The following LSM3 variants were observed in gnomAD, a reference collection of about 807,000 sequenced individuals.
LSM3 encodes LSM3 homolog, U6 small nuclear RNA and mRNA degradation associated, also known as U6 snRNA-associated Sm-like protein LSm3.
In LSM3, 14 loss-of-function variants were observed where a neutral mutation model predicts 15.4. The observed-to-expected ratio is 0.91, with a 90% CI of 0.60 to 1.42. The LOEUF is 1.42. Ranked by LOEUF, LSM3 falls within the 40% of genes most tolerant of loss-of-function variation. The probability of loss-of-function intolerance (pLI) is 0.00; values close to 1 mark genes in which losing one functional copy is unlikely to be tolerated. For synonymous variants in LSM3, 46 were observed against 45.1 expected, an observed-to-expected ratio of 1.02 and a Z score of -0.08; for missense variants, 88 against 127.9, an observed-to-expected ratio of 0.69 and a Z score of 1.50.
intron 3 of LSM3, among the ~76,000 whole-genome samples, chr3:14,184,477 G>A (rs1011714079): frequency 1.1e-4 from 16 of 152,244 alleles, no homozygotes; most frequent in Admixed American, 6.5e-4. Flanking sequence ...AACCTGGGCC[G>A]GGCGCGGTGG....
chr3:14,191,195 T>C (rs867825206), intron 3 of LSM3, among the ~76,000 whole-genome samples: 1 of 152,208 alleles, frequency 6.6e-6, no homozygotes, highest in Non-Finnish European at 1.5e-5. Flanking sequence ...CAGTATTTTA[T>C]TGAGGATTTT....
intron 2 of LSM3, 108 bp from the exon 3 acceptor site, chr3:14,183,829 A>G (rs2125057021): frequency 2.9e-6 from 2 of 679,614 alleles, no homozygotes; most frequent in East Asian, 5.8e-5. Flanking sequence ...TTTGTGATGT[A>G]AGTATCAAAT....
rs1240234188 is a variant in LSM3 at position 14,198,043 on chromosome 3, A to G, written c.236A>G (p.Lys79Arg). Reference protein sequence around the residue: ...ETYEEIYKSTKRNIPMLFVRG... With the variant: ...ETYEEIYKSTRRNIPMLFVRG... ...TTTTTTTTTCTCTTCTAGTCAACGA[A>G]ACGGAATATTCCAATGCTCTTTGTC... Residue 79 changes from lysine to arginine, a missense_variant, in exon 4 of 4, where the codon AAA becomes AGA. By Grantham distance (26) the Lys-to-Arg change is conservative (BLOSUM62 2). Transcript: ENST00000306024. 2 of 1,613,716 alleles carry G rather than the reference A, an allele frequency of 1.2e-6. No individual in the cohort carries two copies. The highest frequency in any genetic ancestry group is 1.7e-6 in the Non-Finnish European group (2 of 1,179,640).
At chr3:14,182,170 G>C (rs529085531) in intron 2 of LSM3, among the ~76,000 whole-genome samples, 8 of 152,050 alleles carry the variant, frequency 5.3e-5, no homozygotes, top group African/African-American at 1.7e-4. Flanking sequence ...TGCCAGCCTG[G>C]GCAACATAGA....
At chr3:14,188,265 T>G (rs1697108490) in intron 3 of LSM3, among the ~76,000 whole-genome samples, 2 of 152,220 alleles carry the variant, frequency 1.3e-5, no homozygotes, top group African/African-American at 2.4e-5. Flanking sequence ...CACCTGTGAC[T>G]AGTGGCACTC....
At chr3:14,193,812 G>T (rs892798449) in intron 3 of LSM3, among the ~76,000 whole-genome samples, 3 of 152,116 alleles carry the variant, frequency 2.0e-5, no homozygotes, top group Admixed American at 6.5e-5. Flanking sequence ...GTCTAGCTTT[G>T]TTCCCTTGCT....
rs375531143 is a variant in LSM3, at chr3:14,178,879, C to G, written c.19C>G (p.Gln7Glu). 1.4e-5 allele frequency: 22 copies of G among 1,614,088 alleles called. No individual in the cohort carries two copies. Residue 7 changes from glutamine to glutamate, a missense_variant and splice_region_variant, in exon 1 of 4, where the codon CAG becomes GAG. By Grantham distance (29) the Gln-to-Glu change is conservative (BLOSUM62 2). Coordinates refer to ENST00000306024, the MANE Select transcript of LSM3 (RefSeq NM_014463.3). MADDVDQQQTTNTVEEP... is the reference protein window; with the variant it reads MADDVDEQQTTNTVEEP... Reference sequence around the variant, plus strand: ...TTGAAACATGGCGGACGACGTAGACCAGGTAAGTGTATTTTAAGGAGGTCG... The same window carrying G: ...TTGAAACATGGCGGACGACGTAGACGAGGTAAGTGTATTTTAAGGAGGTCG...
At chr3:14,193,889 T>A (rs1437036481) in intron 3 of LSM3, among the ~76,000 whole-genome samples, 1 of 152,246 alleles carries the variant, frequency 6.6e-6, no homozygotes, top group Non-Finnish European at 1.5e-5. Flanking sequence ...AGCCTTTTTG[T>A]GCTGGTTTTT....
rs1252025809 is a variant in LSM3 at position 14,184,004 on chromosome 3, A to T, written c.200A>T (p.Asp67Val). 10 of 1,609,242 alleles carry T rather than the reference A, an allele frequency of 6.2e-6. No homozygotes were observed. The highest frequency in any genetic ancestry group is 7.6e-6 in the Non-Finnish European group (9 of 1,179,026). ...GAAACTGTGACTACTATAGAAATTGATGAAGAAACATATGAAGAGATATAT... is the reference window on the plus strand; with the variant it reads ...GAAACTGTGACTACTATAGAAATTGTTGAAGAAACATATGAAGAGATATAT... ...VEETVTTIEIDEETYEEIYKS... is the reference protein window; with the variant it reads ...VEETVTTIEIVEETYEEIYKS... The change falls in exon 3 of 4, where the codon GAT (aspartate) becomes GTT (valine). Residue 67 changes from aspartate (D) to valine (V), a missense_variant. Physicochemically the swap from Asp to Val is radical, Grantham distance 152 (BLOSUM62 -3). Transcript: ENST00000306024.
chr3:14,186,069 G>A (rs1250583347), intron 3 of LSM3, among the ~76,000 whole-genome samples: 3 of 152,090 alleles, frequency 2.0e-5, no homozygotes, highest in Admixed American at 6.5e-5. Context: ...GTGCCACCAC[G>A]CCCAGCTAAT....
Position 14,200,320 on chromosome 3 carries a change from A to C in LSM3, c.*2204A>C, listed in dbSNP as rs1697223571. On this transcript the variant is annotated 3_prime_UTR_variant, in exon 4 of 4. Coordinates refer to ENST00000306024, the MANE Select transcript of LSM3 (RefSeq NM_014463.3). ...GTGAGTCCTTTTGGAGCTGGGACTC[A>C]ATCCACAACAGAGACAGCTCAAGCA... The C allele has an allele frequency of 6.6e-6, 1 of 152,070 alleles. No individual in the cohort carries two copies. Among genetic ancestry groups the C allele is most frequent in the Admixed American group, 6.6e-5 (1 of 15,246 alleles). The allele number at this position is 152,070 out of a possible 1,614,324, so 9.4% of individuals were successfully genotyped here.
intron 1 of LSM3, among the ~76,000 whole-genome samples, chr3:14,179,497 C>T (rs1454595644): frequency 6.6e-6 from 1 of 152,180 alleles, no homozygotes; most frequent in African/African-American, 2.4e-5. Flanking sequence ...CATGCCACAA[C>T]TTAAACTTTC....
At chr3:14,186,141 C>G (rs1285198847) in intron 3 of LSM3, among the ~76,000 whole-genome samples, 1 of 152,198 alleles carries the variant, frequency 6.6e-6, no homozygotes, top group Non-Finnish European at 1.5e-5. Context: ...GAACTCCTGG[C>G]CTCCCAAAGT....
At position 14,196,683 on chromosome 3, in the gene LSM3, T is replaced by C. The variant is rs150669117; in HGVS notation, c.229-1353T>C. Among the ~76,000 whole-genome samples, 863 of 152,320 alleles carry C rather than the reference T, an allele frequency of 5.7e-3. 7 individuals are homozygous for C. The highest frequency in any genetic ancestry group is 0.02 in the African/African-American group (826 of 41,572). On this transcript the variant is annotated intron_variant, in intron 3 of 3. Transcript: ENST00000306024. ...TGTCCCATCCAATGTTTGGAACTTA[T>C]ACTAAATTTAATTGTGCGTCCTACA...
In LSM3 at chr3:14,180,844, TTTTTTTTTTTTTTAA is replaced by T. The variant is rs1559390212; in HGVS notation, c.22-715_22-701del. 5.9e-5 allele frequency among the ~76,000 whole-genome samples: 7 copies of T among 118,154 alleles called. No homozygotes were observed. The South Asian group carries it at 1.0e-3, about 18-fold the overall frequency. The allele number at this position is 118,154 out of a possible 152,430, so 77.5% of individuals were successfully genotyped here. A position where few individuals can be genotyped will look rare whatever the true frequency, so the allele number is the denominator to read the frequency against. On this transcript the variant is annotated intron_variant, in intron 1 of 3. Transcript: ENST00000306024. ...GCCTTTTTTTTTTTTTTTTTTTTTT[TTTTTTTTTTTTTTAA>T]AAAAAAAAAAGACAAGAGTCTCACT...
Position 14,195,108 on chromosome 3 carries a change from G to A in LSM3, c.229-2928G>A, listed in dbSNP as rs371240709. On this transcript the variant is annotated intron_variant, in intron 3 of 3. Coordinates refer to ENST00000306024, the MANE Select transcript of LSM3 (RefSeq NM_014463.3). The stretch of plus-strand genomic sequence containing the variant: ...ATTATTCTACGTAGGTTTCCTCCAT[G>A]CAGTCATTCAGGAACCCAGACTCCT... Among the ~76,000 whole-genome samples the A allele has an allele frequency of 1.7e-4, 26 of 152,216 alleles. No homozygotes were observed. The East Asian group carries it at 4.8e-3, about 28-fold the overall frequency.
At position 14,190,354 on chromosome 3, in the gene LSM3, G is replaced by A. The variant is rs1181046802; in HGVS notation, c.228+6322G>A. Among the ~76,000 whole-genome samples the A allele has an allele frequency of 6.6e-5, 10 of 152,244 alleles. No individual in the cohort carries two copies. In the South Asian group the frequency reaches 2.1e-3, roughly 32 times the overall value. The stretch of plus-strand genomic sequence containing the variant: ...AGAAAGTCAGTGGTAGGTTGATGGG[G>A]ATAGCATTAAATCTATAAATTACTT... On this transcript the variant is annotated intron_variant, in intron 3 of 3. Coordinates refer to ENST00000306024, the MANE Select transcript of LSM3 (RefSeq NM_014463.3).
chr3:14,180,155 C>T (rs1697009658), intron 1 of LSM3, among the ~76,000 whole-genome samples: 1 of 152,290 alleles, frequency 6.6e-6, no homozygotes, highest in South Asian at 2.1e-4. Flanking sequence ...ATCTTTCTAA[C>T]TCTTAGCGGC....
At chr3:14,183,778 A>G (rs1697061136) in intron 2 of LSM3, among the ~76,000 whole-genome samples, 159 bp from the exon 3 acceptor site, 1 of 152,258 alleles carries the variant, frequency 6.6e-6, no homozygotes, top group Non-Finnish European at 1.5e-5. Flanking sequence ...AAGAAACAGT[A>G]TATTAGTACT....
Sources: allele counts gnomAD v4.1 joint callset (sites outside exome capture counted in the v4.1 genomes callset), GRCh38; gene constraint gnomAD v4.1.1; transcripts MANE v1.5; gene names NCBI Gene and HGNC (gene_info 2026-07-23, HGNC 2026-07-21).